IGF1R: variants seen among roughly 807,000 people sequenced by gnomAD.
The protein encoded by IGF1R is insulin like growth factor 1 receptor, also known as insulin-like growth factor 1 receptor.
IGF1R carries 44 observed loss-of-function variants against 144.6 expected under a neutral mutation model. That is an observed-to-expected ratio of 0.30 (90% CI 0.24 to 0.39). The LOEUF is 0.39. Among genes scored for constraint, IGF1R ranks in the 10% least tolerant of loss-of-function variants. The probability of loss-of-function intolerance (pLI) is 1.00; values close to 1 mark genes in which losing one functional copy is unlikely to be tolerated. For missense variants in IGF1R, 1,355 were observed against 1,833.7 expected (o/e 0.74, Z 4.77); for synonymous variants, 795 against 722.8 (o/e 1.10, Z -1.60).
chr15:98,882,049 T>C (rs145524101), intron 2 of IGF1R, among the ~76,000 whole-genome samples: 8 of 152,282 alleles, frequency 5.3e-5, no homozygotes, highest in African/African-American at 9.6e-5. Context: ...TTGATGATAG[T>C]TATTCTTAAG....
rs139870715 is a variant in IGF1R, at chr15:98,821,189, G to A, written c.641-70136G>A. On this transcript the variant is annotated intron_variant, in intron 2 of 20. Coordinates refer to ENST00000650285, the MANE Select transcript of IGF1R (RefSeq NM_000875.5). The stretch of plus-strand genomic sequence containing the variant: ...AGAGTGTGTAAACAACTTCTGGTGT[G>A]AGACGCGCTACATTGCGCTAAATGG... Among the ~76,000 whole-genome samples, 28 of 152,242 alleles carry A rather than the reference G, an allele frequency of 1.8e-4. No individual in the cohort carries two copies. The East Asian group carries it at 5.2e-3, about 28-fold the overall frequency.
intron 1 of IGF1R, among the ~76,000 whole-genome samples, chr15:98,678,417 C>G (rs879279677): frequency 9.3e-5 from 14 of 151,146 alleles, no homozygotes; most frequent in Non-Finnish European, 1.8e-4. Flanking sequence ...TTCTCTGTAA[C>G]AGTTTTTATA....
In IGF1R at chr15:98,959,976, TG is replaced by T; in HGVS notation, c.*2535del. ...ATTTAAATTTCAAGGAAAGGGTGTG[TG>T]TGTGTGTATGTGTGGGGTGTGTGTG... On this transcript the variant is annotated 3_prime_UTR_variant, in exon 21 of 21. Coordinates refer to ENST00000650285, the MANE Select transcript of IGF1R (RefSeq NM_000875.5). 1 of 232,720 alleles carries T rather than the reference TG, an allele frequency of 4.3e-6. No homozygotes were observed. Among genetic ancestry groups the T allele is most frequent in the Non-Finnish European group, 8.5e-6 (1 of 117,726 alleles). 14.4% of individuals were successfully genotyped at this position (232,720 alleles called of 1,614,324 possible).
At chr15:98,837,766 G>A (rs144308825) in intron 2 of IGF1R, among the ~76,000 whole-genome samples, 1 of 152,170 alleles carries the variant, frequency 6.6e-6, no homozygotes, top group East Asian at 1.9e-4. Context: ...TTTTTACATA[G>A]GAAAGACCTG....
intron 2 of IGF1R, among the ~76,000 whole-genome samples, chr15:98,822,547 A>G (rs1479697687): frequency 6.6e-6 from 1 of 152,258 alleles, no homozygotes. Flanking sequence ...ATAATTTAAT[A>G]TAGTGAGCCC....
chr15:98,754,355 CAA>C (rs1318113100), intron 2 of IGF1R, among the ~76,000 whole-genome samples: 1 of 152,142 alleles, frequency 6.6e-6, no homozygotes, highest in Admixed American at 6.5e-5. Flanking sequence ...TCTCATTGTC[CAA>C]AAGAGTCTTA....
chr15:98,679,621 C>T (rs915694585), intron 1 of IGF1R, among the ~76,000 whole-genome samples: 2 of 152,144 alleles, frequency 1.3e-5, no homozygotes, highest in Non-Finnish European at 2.9e-5. Context: ...CAATTGTGTG[C>T]GGTACCTAAT....
chr15:98,866,005 C>T (rs990789061), intron 2 of IGF1R, among the ~76,000 whole-genome samples: 9 of 152,192 alleles, frequency 5.9e-5, no homozygotes, highest in African/African-American at 9.6e-5. Flanking sequence ...ACAACTTGCC[C>T]GTCACCCGGA....
chr15:98,702,431 A>G (rs955500359), intron 1 of IGF1R, among the ~76,000 whole-genome samples: 9 of 152,106 alleles, frequency 5.9e-5, no homozygotes, highest in Admixed American at 5.2e-4. Context: ...ACTTGTTGCA[A>G]CGTCTGCCTT....
chr15:98,694,415 G>A (rs1278191844), intron 1 of IGF1R, among the ~76,000 whole-genome samples: 4 of 152,020 alleles, frequency 2.6e-5, no homozygotes, highest in African/African-American at 9.7e-5. Flanking sequence ...ATCCCCACTT[G>A]AACTGCTGTG....
At chr15:98,732,477 C>T (rs1224292175) in intron 2 of IGF1R, among the ~76,000 whole-genome samples, 1 of 152,110 alleles carries the variant, frequency 6.6e-6, no homozygotes, top group Admixed American at 6.6e-5. Flanking sequence ...ATCTGTGTTT[C>T]CTGAAGGGTC....
intron 20 of IGF1R, among the ~76,000 whole-genome samples, chr15:98,956,126 G>A (rs966655423): frequency 5.3e-5 from 8 of 152,252 alleles, no homozygotes; most frequent in East Asian, 1.9e-4. Flanking sequence ...CAGGGCAGCC[G>A]GCTTTCCTTG....
rs760877799 is a variant in IGF1R, at chr15:98,913,131, C to G, written c.1677C>G (p.Asn559Lys). 2.5e-6 allele frequency: 4 copies of G among 1,614,234 alleles called. No individual in the cohort carries two copies. In the African/African-American group the frequency reaches 5.3e-5, roughly 22 times the overall value. ...WNMVDVDLPPNKDVEPGILLH... is the reference protein window; with the variant it reads ...WNMVDVDLPPKKDVEPGILLH... ...TGGTGGACGTGGACCTCCCGCCCAA[C>G]AAGGACGTGGAGCCCGGCATCTTAC... Residue 559 changes from asparagine to lysine, a missense_variant, in exon 8 of 21, where the codon AAC becomes AAG. Physicochemically the swap from Asn to Lys is moderately conservative, Grantham distance 94 (BLOSUM62 0). This residue lies in a region of IGF1R where 880 missense variants were observed against 1,202.7 expected (regional missense o/e 0.73). Coordinates refer to ENST00000650285, the MANE Select transcript of IGF1R (RefSeq NM_000875.5).
rs775923590 is a variant in IGF1R, at chr15:98,651,196, C to T, written c.94+1521C>T. ...GGAGGCAGCGGAGGTTGTATGGCCCCATCACCGGGGCAATTCAGAAAGGCT... is the reference window on the plus strand; with the variant it reads ...GGAGGCAGCGGAGGTTGTATGGCCCTATCACCGGGGCAATTCAGAAAGGCT... On this transcript the variant is annotated intron_variant, in intron 1 of 20. Coordinates refer to ENST00000650285, the MANE Select transcript of IGF1R (RefSeq NM_000875.5). 2.3e-5 allele frequency: 7 copies of T among 305,730 alleles called. No individual in the cohort carries two copies. The South Asian group carries it at 6.3e-4, about 28-fold the overall frequency. 18.9% of individuals were successfully genotyped at this position (305,730 alleles called of 1,614,324 possible).
At chr15:98,748,481 C>G (rs1029784130) in intron 2 of IGF1R, among the ~76,000 whole-genome samples, 1 of 152,220 alleles carries the variant, frequency 6.6e-6, no homozygotes, top group African/African-American at 2.4e-5. Flanking sequence ...AGTCCGTGTA[C>G]ACTTTCACAC....
chr15:98,773,594 C>T (rs147997001), intron 2 of IGF1R, among the ~76,000 whole-genome samples: 51 of 152,272 alleles, frequency 3.3e-4, no homozygotes, highest in African/African-American at 1.2e-3. Context: ...CTCTTATCTG[C>T]ACTGCATAGC....
At position 98,707,989 on chromosome 15, in the gene IGF1R, C is replaced by G; in HGVS notation, c.522C>G (p.Pro174=). ...ATAACTACATTGTGGGGAATAAGCCCCCAAAGGAATGTGGGGACCTGTGTC... is the reference window on the plus strand; with the variant it reads ...ATAACTACATTGTGGGGAATAAGCCGCCAAAGGAATGTGGGGACCTGTGTC... ...VSNNYIVGNK[P]PKECGDLCPG... Residue 174 remains proline, a synonymous_variant, in exon 2 of 21, where the codon CCC becomes CCG. Transcript: ENST00000650285. This position sits in a 1 kb window ranked among gnomAD's most constrained non-coding sequence, Gnocchi z 6.7. 1.2e-6 allele frequency: 2 copies of G among 1,614,130 alleles called. No homozygotes were observed. Among genetic ancestry groups the G allele is most frequent in the Non-Finnish European group, 1.7e-6 (2 of 1,180,024 alleles).
intron 2 of IGF1R, among the ~76,000 whole-genome samples, chr15:98,848,928 G>A (rs144741019): frequency 1.2e-3 from 190 of 152,262 alleles, no homozygotes; most frequent in Middle Eastern, 3.4e-3. Flanking sequence ...AAGACAACTG[G>A]AATAAATGGA....
rs1567224142 is a variant in IGF1R at position 98,957,622 on chromosome 15, T to G, written c.*180T>G. On this transcript the variant is annotated 3_prime_UTR_variant, in exon 21 of 21. Transcript: ENST00000650285. ...AGTAAAACACATTTGGGATGTTCCT[T>G]TTTTCAATATGCAAGCAGCTTTTTA... 2.3e-5 allele frequency: 16 copies of G among 709,694 alleles called. No individual in the cohort carries two copies. The highest frequency in any genetic ancestry group is 2.3e-5 in the Non-Finnish European group (10 of 427,798). 44.0% of individuals were successfully genotyped at this position (709,694 alleles called of 1,614,324 possible).
Sources: allele counts gnomAD v4.1 joint callset (sites outside exome capture counted in the v4.1 genomes callset), GRCh38; gene constraint gnomAD v4.1.1; regional missense constraint gnomAD v4.1.1; non-coding constraint Gnocchi (gnomAD v3.1); transcripts MANE v1.5; gene names NCBI Gene and HGNC (gene_info 2026-07-23, HGNC 2026-07-21).